FANCI: variants seen among roughly 807,000 people sequenced by gnomAD.
FANCI encodes Fanconi anemia group I protein.
Under a neutral mutation model 176.1 loss-of-function variants are expected in FANCI, and 156 were observed. The observed-to-expected ratio is 0.89, with a 90% CI of 0.78 to 1.01. FANCI has a LOEUF of 1.01. FANCI is among the 50% of genes least tolerant of loss of function. The pLI is 0.00. For missense variants in FANCI, 1,678 were observed against 1,534.1 expected (o/e 1.09, Z -1.57); for synonymous variants, 613 against 541.7 (o/e 1.13, Z -1.83).
intron 24 of FANCI, among the ~76,000 whole-genome samples, chr15:89,296,884 C>T (rs1342538313): frequency 8.8e-4 from 128 of 145,016 alleles, no homozygotes; most frequent in African/African-American, 2.9e-3. Context: ...AGGGGCCCCT[C>T]ACCTCCCGGA....
In FANCI at chr15:89,274,276, A is replaced by G. The variant is rs2053319905; in HGVS notation, c.1084A>G (p.Thr362Ala). Residue 362 changes from threonine (T) to alanine (A), a missense_variant, in exon 12 of 38, where the codon ACC (threonine) becomes GCC (alanine). Coordinates refer to ENST00000310775, the MANE Select transcript of FANCI (RefSeq NM_001113378.2). ...AGTTCCTCATAGATCTTATGTTTCA[A>G]CCATGATCTTGGAAGTAGTGAAGAA... ...NLVPHRSYVS[T>A]MILEVVKNSV... The G allele has an allele frequency of 3.7e-6, 6 of 1,613,628 alleles. No individual in the cohort carries two copies. Among genetic ancestry groups the G allele is most frequent in the East Asian group, 2.2e-5 (1 of 44,842 alleles).
At chr15:89,281,946 T>TAGCCC in intron 16 of FANCI, 111 bp downstream of exon 16, 1 of 1,030,420 alleles carries the variant, frequency 9.7e-7, no homozygotes, top group Non-Finnish European at 1.5e-6. Context: ...TGAGAATTCC[T>TAGCCC]AGCCCCGCAG....
intron 24 of FANCI, among the ~76,000 whole-genome samples, chr15:89,296,379 A>T (rs923813079): frequency 2.0e-5 from 3 of 151,708 alleles, no homozygotes; most frequent in African/African-American, 7.3e-5. Context: ...AAGTGCTGGG[A>T]TTACAGGCCT....
At chr15:89,313,630 C>G (rs2055054038) in intron 35 of FANCI, among the ~76,000 whole-genome samples, 1 of 152,138 alleles carries the variant, frequency 6.6e-6, no homozygotes, top group Non-Finnish European at 1.5e-5. Context: ...TCTCCAGAGG[C>G]TTAGCAATGA....
At chr15:89,307,955 T>C in intron 34 of FANCI, 1 of 1,307,770 alleles carries the variant, frequency 7.6e-7, no homozygotes, top group Non-Finnish European at 9.8e-7. Context: ...CTTGGTTTAT[T>C]CCTGGGTGAC....
At chr15:89,299,683 C>G (rs914039774) in intron 24 of FANCI, 117 bp from the exon 25 acceptor site, 1 of 984,092 alleles carries the variant, frequency 1.0e-6, no homozygotes, top group African/African-American at 1.6e-5. Flanking sequence ...ATTACACAAC[C>G]ATGTAAGTTT....
rs139332554 is a variant in FANCI at position 89,289,290 on chromosome 15, C to G, written c.1822-923C>G. Among the ~76,000 whole-genome samples the G allele has an allele frequency of 2.7e-3, 406 of 152,064 alleles. 8 individuals are homozygous for G. The highest frequency in any genetic ancestry group is 0.015 in the East Asian group (76 of 5,174). ...CCTTTGTTCCGTTCCTTTCCCCTTT[C>G]CCCTTTTTCCGTTTTCCTTTCCTTT... is the stretch of plus-strand genomic sequence containing the variant. On this transcript the variant is annotated intron_variant, in intron 18 of 37. Coordinates refer to ENST00000310775, the MANE Select transcript of FANCI (RefSeq NM_001113378.2).
chr15:89,264,501 C>A, intron 8 of FANCI, 21 bp from the exon 9 acceptor site: 1 of 1,609,406 alleles, frequency 6.2e-7, no homozygotes, highest in East Asian at 2.2e-5. Flanking sequence ...GGAGACCTTA[C>A]CAATTTTGTA....
rs1472081060 is a variant in FANCI at position 89,313,715 on chromosome 15, CATTA to C, written c.3720+744_3720+747del. On this transcript the variant is annotated intron_variant, in intron 35 of 37. Transcript: ENST00000310775. ...CCTGTGTACAGGATGGTCCTCACAACATTATTTATAAAAGTGAAATATTAGAAAC... is the reference window on the plus strand; with the variant it reads ...CCTGTGTACAGGATGGTCCTCACAACTTTATAAAAGTGAAATATTAGAAAC... 3.3e-5 allele frequency among the ~76,000 whole-genome samples: 5 copies of C among 152,020 alleles called. No individual in the cohort carries two copies. The East Asian group carries it at 9.6e-4, about 29-fold the overall frequency.
intron 2 of FANCI, among the ~76,000 whole-genome samples, chr15:89,251,008 A>G (rs1258466461): frequency 6.6e-6 from 1 of 152,070 alleles, no homozygotes; most frequent in Non-Finnish European, 1.5e-5. Context: ...GAACAGAAAA[A>G]TAGTGGATCA....
chr15:89,268,767 T>TA (rs2053080973), intron 10 of FANCI: 2 of 470,660 alleles, frequency 4.2e-6, no homozygotes, highest in Admixed American at 3.5e-5. Flanking sequence ...AAGTTCTATT[T>TA]AAAAAAACCC....
At chr15:89,305,906 A>T in intron 31 of FANCI, 101 bp from the exon 32 acceptor site, 1 of 1,296,520 alleles carries the variant, frequency 7.7e-7, no homozygotes, top group Non-Finnish European at 1.1e-6. Flanking sequence ...TCGTTTTTCC[A>T]TAAAGACTTT....
chr15:89,304,318 A>G (rs1044110561), intron 28 of FANCI, among the ~76,000 whole-genome samples: 6 of 152,248 alleles, frequency 3.9e-5, no homozygotes, highest in Non-Finnish European at 7.3e-5. Context: ...GTGGAATCCT[A>G]TACAGCAAAT....
At chr15:89,299,994 C>T (rs2054466914) in intron 25 of FANCI, 28 bp downstream of exon 25, 1 of 1,612,194 alleles carries the variant, frequency 6.2e-7, no homozygotes, top group African/African-American at 1.3e-5. Flanking sequence ...AATAAATAGG[C>T]TTGATTTAGG....
Position 89,244,723 on chromosome 15 carries a change from G to A in FANCI, c.-20+690G>A, listed in dbSNP as rs149529006. Among the ~76,000 whole-genome samples the A allele has an allele frequency of 1.9e-4, 29 of 152,244 alleles. 1 individual carries two copies. In the East Asian group the frequency reaches 4.8e-3, roughly 25 times the overall value. On this transcript the variant is annotated intron_variant, in intron 1 of 37. Transcript: ENST00000310775. ...TTGGAGTCCGGAGCTGGACAGACTC[G>A]GGTTTCACTTCTCTCTCTGCCACTT...
intron 34 of FANCI, among the ~76,000 whole-genome samples, chr15:89,308,945 C>A (rs1180286055): frequency 3.5e-4 from 48 of 137,330 alleles, no homozygotes; most frequent in Non-Finnish European, 3.6e-4. Flanking sequence ...AACTCCGTCT[C>A]AAAAAAAAAA....
chr15:89,289,737 C>CAA (rs1205360364), intron 18 of FANCI, among the ~76,000 whole-genome samples: 1 of 149,328 alleles, frequency 6.7e-6, no homozygotes, highest in African/African-American at 2.5e-5. Flanking sequence ...TTTTTTAAGA[C>CAA]AGAGTTTTGC....
In FANCI at chr15:89,279,780, C is replaced by T. The variant is rs567292448; in HGVS notation, c.1381+1006C>T. ...AAACACAAGTTCTGTCATTTTTCTC[C>T]CTCATACTGTCATTGTTTCTATCTT... On this transcript the variant is annotated intron_variant, in intron 14 of 37. Coordinates refer to ENST00000310775, the MANE Select transcript of FANCI (RefSeq NM_001113378.2). Among the ~76,000 whole-genome samples the T allele has an allele frequency of 3.3e-5, 5 of 152,124 alleles. No individual in the cohort carries two copies. In the East Asian group the frequency reaches 9.7e-4, roughly 29 times the overall value.
Position 89,305,604 on chromosome 15 carries a change from G to T in FANCI, c.3256-1G>T. 1 of 1,614,144 alleles carries T rather than the reference G, an allele frequency of 6.2e-7. No individual in the cohort carries two copies. Among genetic ancestry groups the T allele is most frequent in the Non-Finnish European group, 8.5e-7 (1 of 1,179,990 alleles). On this transcript the variant is annotated splice_acceptor_variant, in intron 30 of 37. Transcript: ENST00000310775. LOFTEE classifies it high-confidence loss of function. ...TCACACCAGGCACTCTTTTCTTTCA[G>T]TTACTTGTTCTGAGTCAGGCCGAGA...
Sources: gnomAD v4.1 joint callset for allele counts (sites outside exome capture counted in the v4.1 genomes callset) on GRCh38, gnomAD v4.1.1 for gene constraint, MANE v1.5 for transcripts, NCBI Gene and HGNC (gene_info 2026-07-23, HGNC 2026-07-21) for gene names.